The following NPAS3 variants were observed in gnomAD, a reference collection of about 807,000 sequenced individuals.
The protein encoded by NPAS3 is neuronal PAS domain protein 3, also known as neuronal PAS domain-containing protein 3.
In NPAS3, 14 loss-of-function variants were observed where a neutral mutation model predicts 73.1. The observed-to-expected ratio is 0.19, with a 90% CI of 0.13 to 0.30. NPAS3 has a LOEUF of 0.30. Ranked by LOEUF, NPAS3 falls within the 10% of genes least tolerant of loss-of-function variation. NPAS3 has a pLI of 1.00. For synonymous variants in NPAS3, 620 were observed against 541.5 expected (o/e 1.14, Z -2.01); for missense variants, 1,096 against 1,250.0 (o/e 0.88, Z 1.86).
intron 6 of NPAS3, among the ~76,000 whole-genome samples, chr14:33,722,567 C>T (rs938849933): frequency 3.1e-4 from 47 of 152,070 alleles, no homozygotes; most frequent in African/African-American, 1.1e-3. Flanking sequence ...TGTTTTAAGG[C>T]AGAGCTACTT....
chr14:33,685,352 A>G (rs537524677), intron 6 of NPAS3, among the ~76,000 whole-genome samples: 2 of 152,332 alleles, frequency 1.3e-5, no homozygotes, highest in East Asian at 1.9e-4. Flanking sequence ...AATTATTAGT[A>G]GCCCAGAAAT....
intron 2 of NPAS3, among the ~76,000 whole-genome samples, chr14:33,070,142 C>T (rs1246544856): frequency 1.3e-5 from 2 of 152,054 alleles, no homozygotes; most frequent in Non-Finnish European, 2.9e-5. Context: ...ACTCCTAGTA[C>T]ATAAAAGCAA....
At chr14:33,060,578 T>G (rs1013079619) in intron 2 of NPAS3, among the ~76,000 whole-genome samples, 8 of 152,224 alleles carry the variant, frequency 5.3e-5, no homozygotes, top group African/African-American at 1.9e-4. Flanking sequence ...TTTGTCTTTG[T>G]TTAGCTGTCT....
At chr14:33,677,064 A>G (rs2059790175) in intron 6 of NPAS3, among the ~76,000 whole-genome samples, 1 of 152,180 alleles carries the variant, frequency 6.6e-6, no homozygotes, top group African/African-American at 2.4e-5. Context: ...TTAGGGGAAA[A>G]TCCATTTATA....
chr14:32,978,441 G>A (rs550552860), intron 1 of NPAS3, among the ~76,000 whole-genome samples: 8 of 152,276 alleles, frequency 5.3e-5, no homozygotes, highest in Non-Finnish European at 1.2e-4. Flanking sequence ...CTGCAAAATG[G>A]TAGTACTGGC....
At chr14:33,461,114 T>C (rs918235822) in intron 4 of NPAS3, among the ~76,000 whole-genome samples, 2 of 152,252 alleles carry the variant, frequency 1.3e-5, no homozygotes, top group Non-Finnish European at 2.9e-5. Flanking sequence ...TCCTGCCATT[T>C]ATTTATTTAC....
At chr14:33,659,317 G>C (rs983083048) in intron 5 of NPAS3, among the ~76,000 whole-genome samples, 1 of 152,172 alleles carries the variant, frequency 6.6e-6, no homozygotes, top group African/African-American at 2.4e-5. Flanking sequence ...AGTGGGTAAT[G>C]GTTTCATTCC....
chr14:33,570,559 G>C (rs570921653), intron 5 of NPAS3, among the ~76,000 whole-genome samples: 1 of 152,044 alleles, frequency 6.6e-6, no homozygotes, highest in Non-Finnish European at 1.5e-5. Flanking sequence ...TGACGTTGCC[G>C]GGTTTGCAAA....
chr14:33,566,409 T>C lies in NPAS3; in HGVS notation c.558+6199T>C, dbSNP rs149700447. Among the ~76,000 whole-genome samples, 183 of 152,282 alleles carry C rather than the reference T, an allele frequency of 1.2e-3. 1 individual carries two copies. The highest frequency in any genetic ancestry group is 4.2e-3 in the African/African-American group (174 of 41,564). ...GGATCCTTGGGGGAAAAAGTTCCTC[T>C]GTTCGATCCAGATATTGAACTGCTC... On this transcript the variant is annotated intron_variant, in intron 5 of 11. Coordinates refer to ENST00000356141, the Ensembl canonical transcript of NPAS3.
intron 5 of NPAS3, among the ~76,000 whole-genome samples, chr14:33,617,149 G>A (rs984322093): frequency 1.3e-5 from 2 of 152,134 alleles, no homozygotes; most frequent in African/African-American, 4.8e-5. Flanking sequence ...GAATAGCCTC[G>A]GGGAGTTAAA....
chr14:33,058,446 C>A (rs957933901), intron 2 of NPAS3, among the ~76,000 whole-genome samples: 3 of 152,112 alleles, frequency 2.0e-5, no homozygotes, highest in Non-Finnish European at 2.9e-5. Context: ...CATCTTTGGG[C>A]AAGTTACTTA....
chr14:33,408,443 T>C (rs2047764844), intron 4 of NPAS3, among the ~76,000 whole-genome samples: 1 of 150,812 alleles, frequency 6.6e-6, no homozygotes, highest in South Asian at 2.1e-4. Flanking sequence ...ACTCTGTTCT[T>C]TTTTTTTTAA....
rs564293301 is a variant in NPAS3 at position 33,735,085 on chromosome 14, G to A, written c.734-129G>A. ...AAACATTTTCTAAATGAGGTAAATT[G>A]ATTACTACTGCTCTTAGCACCCATC... On this transcript the variant is annotated intron_variant, in intron 6 of 11. Transcript: ENST00000356141. 15 of 674,100 alleles carry A rather than the reference G, an allele frequency of 2.2e-5. No individual in the cohort carries two copies. In the Admixed American group the frequency reaches 3.2e-4, roughly 14 times the overall value. 41.8% of individuals were successfully genotyped at this position (674,100 alleles called of 1,614,324 possible). A position where few individuals can be genotyped will look rare whatever the true frequency, so the allele number is the denominator to read the frequency against.
chr14:33,423,512 T>A (rs1055272756), intron 4 of NPAS3, among the ~76,000 whole-genome samples: 3 of 152,008 alleles, frequency 2.0e-5, no homozygotes, highest in African/African-American at 7.2e-5. Flanking sequence ...GTAGGTAATA[T>A]ACATGTTAAT....
chr14:33,319,179 C>G (rs930722313), intron 3 of NPAS3, among the ~76,000 whole-genome samples: 9 of 151,770 alleles, frequency 5.9e-5, no homozygotes, highest in African/African-American at 1.9e-4. Context: ...GGTGAGACTT[C>G]TTATGTGGTA....
At chr14:33,149,191 T>C (rs1190620113) in intron 2 of NPAS3, among the ~76,000 whole-genome samples, 2 of 152,174 alleles carry the variant, frequency 1.3e-5, no homozygotes, top group Admixed American at 6.6e-5. Context: ...TCCATCAATA[T>C]AGGAATAATC....
At chr14:33,026,870 C>A (rs2138310773) in intron 1 of NPAS3, among the ~76,000 whole-genome samples, 1 of 152,232 alleles carries the variant, frequency 6.6e-6, no homozygotes. Flanking sequence ...CCTCATCCTT[C>A]CCCCCTACAC....
chr14:33,418,691 G>A lies in NPAS3; in HGVS notation c.468+51423G>A, dbSNP rs11621811. Reference sequence around the variant, plus strand: ...TTTTATTTTTAAAGGGTTGTAGATGGGAGAGAAATGCTTAGGGAAATTCCT... The same window carrying A: ...TTTTATTTTTAAAGGGTTGTAGATGAGAGAGAAATGCTTAGGGAAATTCCT... On this transcript the variant is annotated intron_variant, in intron 4 of 11. Coordinates refer to ENST00000356141, the Ensembl canonical transcript of NPAS3. 5.4e-3 allele frequency among the ~76,000 whole-genome samples: 817 copies of A among 151,930 alleles called. 7 individuals are homozygous for A. The highest frequency in any genetic ancestry group is 7.8e-3 in the Non-Finnish European group (530 of 67,924).
In NPAS3 at chr14:33,047,189, A is replaced by G. The variant is rs191375777; in HGVS notation, c.51-8716A>G. 9.2e-5 allele frequency among the ~76,000 whole-genome samples: 14 copies of G among 152,356 alleles called. No individual in the cohort carries two copies. The East Asian group carries it at 2.5e-3, about 27-fold the overall frequency. ...CTAAAATAATTCTTAAGCTACTTAT[A>G]TACATATTATCTTTCTATTGATACT... On this transcript the variant is annotated intron_variant, in intron 1 of 11. Coordinates refer to ENST00000356141, the Ensembl canonical transcript of NPAS3.
Sources: allele counts gnomAD v4.1 joint callset (sites outside exome capture counted in the v4.1 genomes callset), GRCh38; gene constraint gnomAD v4.1.1; transcripts MANE v1.5; gene names NCBI Gene and HGNC (gene_info 2026-07-23, HGNC 2026-07-21).